Variants in ABHD3 observed in about 807,000 individuals in gnomAD.
The protein encoded by ABHD3 is abhydrolase domain containing 3, phospholipase, also known as phospholipase ABHD3.
In ABHD3, 46 loss-of-function variants were observed where a neutral mutation model predicts 48.8. The ratio of observed to expected loss-of-function variants is 0.94; its 90% CI spans 0.74 to 1.20. ABHD3 has a LOEUF of 1.20. ABHD3 is among the 50% of genes most tolerant of loss of function. The pLI is 0.00. For missense variants in ABHD3, 490 were observed against 497.8 expected, an observed-to-expected ratio of 0.98 and a Z score of 0.15; for synonymous variants, 192 against 183.7, an observed-to-expected ratio of 1.04 and a Z score of -0.36.
chr18:21,703,683 AC>A lies in ABHD3; in HGVS notation c.226del (p.Val76LeufsTer85). 6.2e-7 allele frequency: 1 copy of A among 1,614,056 alleles called. No homozygotes were observed. The highest frequency in any genetic ancestry group is 8.5e-7 in the Non-Finnish European group (1 of 1,180,010). ...GACCGTCGGGTAGTACGTTTCTGTA[AC>A]CACGGGACAGTGGTCTTGAAGGAAG... Reference protein sequence around the residue: ...SRFLQDHCPVVTETYYPTVWC... With the variant: ...SRFLQDHCPVXTETYYPTVWC... On this transcript the variant is annotated frameshift_variant, in exon 2 of 9. Coordinates refer to ENST00000289119, the MANE Select transcript of ABHD3 (RefSeq NM_138340.5). LOFTEE classifies it high-confidence loss of function.
At chr18:21,692,165 G>T (rs1157985542) in intron 3 of ABHD3, among the ~76,000 whole-genome samples, 1 of 152,092 alleles carries the variant, frequency 6.6e-6, no homozygotes, top group East Asian at 1.9e-4. Context: ...GGCCAGGCTG[G>T]TCTCGAACTC....
chr18:21,657,525 C>CT (rs762256436), intron 6 of ABHD3, among the ~76,000 whole-genome samples: 1 of 149,484 alleles, frequency 6.7e-6, no homozygotes, highest in Non-Finnish European at 1.5e-5. Flanking sequence ...TTTTTTTTTT[C>CT]TTTTGGTAGA....
chr18:21,662,726 C>T (rs921146420), intron 5 of ABHD3, among the ~76,000 whole-genome samples: 2 of 152,192 alleles, frequency 1.3e-5, no homozygotes, highest in South Asian at 2.1e-4. Context: ...AGAAGGGGTG[C>T]TTCCGTCTAA....
chr18:21,695,095 C>T (rs2040339803), intron 3 of ABHD3, among the ~76,000 whole-genome samples: 1 of 152,070 alleles, frequency 6.6e-6, no homozygotes, highest in African/African-American at 2.4e-5. Context: ...TGCAATGGAG[C>T]AATCTCAACT....
intron 4 of ABHD3, among the ~76,000 whole-genome samples, chr18:21,672,310 A>G (rs1258935609): frequency 6.6e-6 from 1 of 152,236 alleles, no homozygotes; most frequent in Non-Finnish European, 1.5e-5. Flanking sequence ...AGTGGAAGCC[A>G]TAACTCAGAA....
chr18:21,702,490 A>T lies in ABHD3; in HGVS notation c.335T>A (p.Ile112Asn). The T allele has an allele frequency of 6.3e-7, 1 of 1,596,802 alleles. No individual in the cohort carries two copies. Among genetic ancestry groups the T allele is most frequent in the Non-Finnish European group, 8.5e-7 (1 of 1,169,830 alleles). ...AATCTGTCCTCCATCTGCAGTTTTA[A>T]TAAGTTCACTGAAAGGAATAATTCA... The part of the protein sequence containing the change: ...KPPVQYRNEL[I>N]KTADGGQISL... The change falls in exon 3 of 9, where the codon ATT becomes AAT. Residue 112 changes from isoleucine (I) to asparagine (N), a missense_variant. Physicochemically the swap from Ile to Asn is moderately radical, Grantham distance 149. Transcript: ENST00000289119.
intron 4 of ABHD3, among the ~76,000 whole-genome samples, chr18:21,667,096 A>AC (rs927048903): frequency 3.0e-5 from 3 of 100,304 alleles, no homozygotes; most frequent in African/African-American, 1.6e-4. Context: ...TTTTTTTGAG[A>AC]CAAGTCTCGC....
At chr18:21,663,771 C>T (rs1407164188) in intron 5 of ABHD3, 2 of 1,535,200 alleles carry the variant, frequency 1.3e-6, no homozygotes, top group Admixed American at 2.0e-5. Context: ...GCTACAAGTT[C>T]AGCTTCAGAA....
chr18:21,657,618 G>C (rs577287882), intron 6 of ABHD3, among the ~76,000 whole-genome samples: 1 of 151,950 alleles, frequency 6.6e-6, no homozygotes, highest in Non-Finnish European at 1.5e-5. Context: ...CCAAAGTGCT[G>C]GGATTATAAG....
chr18:21,667,822 C>T (rs2039669164), intron 4 of ABHD3, among the ~76,000 whole-genome samples: 1 of 151,992 alleles, frequency 6.6e-6, no homozygotes, highest in Non-Finnish European at 1.5e-5. Flanking sequence ...TATGCTCCGA[C>T]ACTTAAAAAA....
intron 5 of ABHD3, among the ~76,000 whole-genome samples, chr18:21,662,556 C>CT (rs1290167942): frequency 6.6e-6 from 1 of 152,186 alleles, no homozygotes; most frequent in African/African-American, 2.4e-5. Flanking sequence ...ATCATAGGCT[C>CT]TATCACAGGG....
rs781043276 is a variant in ABHD3 at position 21,703,660 on chromosome 18, C to A, written c.250G>T (p.Val84Phe). Residue 84 changes from valine (V) to phenylalanine (F), a missense_variant, in exon 2 of 9, where the codon GTC (valine) becomes TTC (phenylalanine). Coordinates refer to ENST00000289119, the MANE Select transcript of ABHD3 (RefSeq NM_138340.5). The part of the protein sequence containing the change: ...PVVTETYYPT[V>F]WCWEGRGQTL... ...TGTCCTCGACCCTCCCAGCACCAGA[C>A]CGTCGGGTAGTACGTTTCTGTAACC... is the stretch of plus-strand genomic sequence containing the variant. The A allele has an allele frequency of 1.2e-6, 2 of 1,614,158 alleles. No homozygotes were observed. The highest frequency in any genetic ancestry group is 3.3e-5 in the Admixed American group (2 of 60,034).
intron 4 of ABHD3, chr18:21,664,432 C>T: frequency 4.0e-6 from 2 of 501,400 alleles, no homozygotes; most frequent in South Asian, 3.1e-5. Context: ...TTAGAGTTGG[C>T]ACTAACAAAA....
At chr18:21,689,970 T>C (rs977303919) in intron 3 of ABHD3, among the ~76,000 whole-genome samples, 2 of 151,544 alleles carry the variant, frequency 1.3e-5, no homozygotes, top group East Asian at 1.9e-4. Context: ...TGCTAGACCA[T>C]GAAGAAACAG....
Position 21,651,658 on chromosome 18 carries a change from G to A in ABHD3, c.1163C>T (p.Thr388Ile). The change falls in exon 9 of 9, where the codon ACT becomes ATT. Residue 388 changes from threonine (T) to isoleucine (I), a missense_variant. Coordinates refer to ENST00000289119, the MANE Select transcript of ABHD3 (RefSeq NM_138340.5). The stretch of plus-strand genomic sequence containing the variant: ...TTGCTTGAAGACACGATCCATGTAA[G>A]TGGACTGTCTTGGCCAGATTCCCTC... ...FLEGIWPRQS[T>I]YMDRVFKQFV... The A allele has an allele frequency of 6.2e-7, 1 of 1,614,028 alleles. No homozygotes were observed. Among genetic ancestry groups the A allele is most frequent in the Non-Finnish European group, 8.5e-7 (1 of 1,179,996 alleles).
In ABHD3 at chr18:21,650,996, A is replaced by G. The variant is rs929449626; in HGVS notation, c.*595T>C. On this transcript the variant is annotated 3_prime_UTR_variant, in exon 9 of 9. Transcript: ENST00000289119. Reference sequence around the variant, plus strand: ...ATGTAAATTATAATCATTATAAAACATAAGTTAGTCCTAATTTAATATTAT... The same window carrying G: ...ATGTAAATTATAATCATTATAAAACGTAAGTTAGTCCTAATTTAATATTAT... 4 of 152,158 alleles carry G rather than the reference A, an allele frequency of 2.6e-5. No homozygotes were observed. The highest frequency in any genetic ancestry group is 7.2e-5 in the African/African-American group (3 of 41,466). The allele number at this position is 152,158 out of a possible 1,614,324, so 9.4% of individuals were successfully genotyped here.
intron 4 of ABHD3, among the ~76,000 whole-genome samples, chr18:21,675,160 C>T (rs1394074067): frequency 1.3e-5 from 2 of 151,818 alleles, no homozygotes; most frequent in East Asian, 3.9e-4. Flanking sequence ...AGACACCAGG[C>T]TGCACAGCCT....
At position 21,664,181 on chromosome 18, in the gene ABHD3, A is replaced by G; in HGVS notation, c.605T>C (p.Ile202Thr). The G allele has an allele frequency of 6.2e-7, 1 of 1,614,170 alleles. No individual in the cohort carries two copies. Among genetic ancestry groups the G allele is most frequent in the Middle Eastern group, 1.6e-4 (1 of 6,062 alleles). ...CANTEDLETV[I>T]HHVHSLYPSA... ...AGGGTACAGGCTGTGTACATGGTGA[A>G]TAACTGTCTCCAAGTCTTCAGTGTT... The change falls in exon 5 of 9, where the codon ATT becomes ACT. Residue 202 changes from isoleucine (I) to threonine (T), a missense_variant. Coordinates refer to ENST00000289119, the MANE Select transcript of ABHD3 (RefSeq NM_138340.5).
chr18:21,657,524 T>G (rs1396851912), intron 6 of ABHD3, among the ~76,000 whole-genome samples: 3 of 151,674 alleles, frequency 2.0e-5, no homozygotes, highest in Admixed American at 1.3e-4. Flanking sequence ...GTTTTTTTTT[T>G]CTTTTGGTAG....
Sources: gnomAD v4.1 joint callset for allele counts (sites outside exome capture counted in the v4.1 genomes callset) on GRCh38, gnomAD v4.1.1 for gene constraint, MANE v1.5 for transcripts, NCBI Gene and HGNC (gene_info 2026-07-23, HGNC 2026-07-21) for gene names.